PRKN: variants seen among roughly 807,000 people sequenced by gnomAD.
PRKN encodes parkin RBR E3 ubiquitin protein ligase.
PRKN carries 56 observed loss-of-function variants against 59.5 expected under a neutral mutation model. That is an observed-to-expected ratio of 0.94 (90% CI 0.76 to 1.18). PRKN has a LOEUF of 1.18. Ranked by LOEUF, PRKN falls within the 50% of genes most tolerant of loss-of-function variation. PRKN has a pLI of 0.00. For synonymous variants in PRKN, 250 were observed against 222.1 expected, an observed-to-expected ratio of 1.13 and a Z score of -1.12; for missense variants, 657 against 596.4, an observed-to-expected ratio of 1.10 and a Z score of -1.06.
chr6:161,749,431 T>C (rs771558208), intron 7 of PRKN, among the ~76,000 whole-genome samples: 2 of 152,178 alleles, frequency 1.3e-5, no homozygotes, highest in Non-Finnish European at 2.9e-5. Context: ...ATCATTTTAG[T>C]GCTTTTATGG....
intron 1 of PRKN, among the ~76,000 whole-genome samples, chr6:162,497,466 T>C (rs1202281380): frequency 2.0e-5 from 3 of 152,250 alleles, no homozygotes; most frequent in African/African-American, 7.2e-5. Flanking sequence ...CCCATGCCTT[T>C]GCATATGAGC....
chr6:162,001,949 T>C (rs1490729846), intron 5 of PRKN, among the ~76,000 whole-genome samples: 2 of 151,564 alleles, frequency 1.3e-5, no homozygotes, highest in Non-Finnish European at 2.9e-5. Flanking sequence ...TTCTTTAGCC[T>C]GCTGATATGA....
intron 6 of PRKN, among the ~76,000 whole-genome samples, chr6:161,859,104 A>G (rs986997273): frequency 7.3e-5 from 11 of 151,274 alleles, no homozygotes; most frequent in Non-Finnish European, 1.0e-4. Flanking sequence ...TCCTGACCTC[A>G]AGTGATCCAC....
At chr6:162,259,580 A>C (rs1033035800) in intron 3 of PRKN, among the ~76,000 whole-genome samples, 1 of 152,244 alleles carries the variant, frequency 6.6e-6, no homozygotes, top group African/African-American at 2.4e-5. Context: ...ATAATCATAT[A>C]GGCATACTGT....
At chr6:162,546,616 G>A (rs1411486165) in intron 1 of PRKN, among the ~76,000 whole-genome samples, 1 of 151,718 alleles carries the variant, frequency 6.6e-6, no homozygotes, top group Admixed American at 6.6e-5. Flanking sequence ...GCTAATTTTT[G>A]TATTTTTAGT....
At chr6:161,580,070 TA>T (rs1400423671) in intron 7 of PRKN, among the ~76,000 whole-genome samples, 2 of 152,172 alleles carry the variant, frequency 1.3e-5, no homozygotes, top group Admixed American at 6.5e-5. Context: ...ATTATGAAAA[TA>T]AAACAAAAAT....
At chr6:162,339,159 G>T (rs1377583958) in intron 2 of PRKN, among the ~76,000 whole-genome samples, 1 of 149,640 alleles carries the variant, frequency 6.7e-6, no homozygotes, top group East Asian at 2.0e-4. Context: ...TGAGAAGTGA[G>T]GAGCCTCTCC....
intron 6 of PRKN, among the ~76,000 whole-genome samples, chr6:161,869,037 T>C (rs1794234352): frequency 6.6e-6 from 1 of 152,212 alleles, no homozygotes; most frequent in South Asian, 2.1e-4. Context: ...AACCACATTT[T>C]CCCATTTTTC....
intron 1 of PRKN, among the ~76,000 whole-genome samples, chr6:162,561,194 G>C (rs1779824616): frequency 6.6e-6 from 1 of 152,166 alleles, no homozygotes; most frequent in Non-Finnish European, 1.5e-5. Flanking sequence ...AGAGCCTTAA[G>C]TATTAAGGGG....
intron 7 of PRKN, among the ~76,000 whole-genome samples, chr6:161,771,759 T>C (rs1331621938): frequency 6.6e-6 from 1 of 152,232 alleles, no homozygotes; most frequent in African/African-American, 2.4e-5. Context: ...TATGTTCATC[T>C]TGACATTAGA....
intron 11 of PRKN, among the ~76,000 whole-genome samples, chr6:161,351,294 GA>G (rs1784542350): frequency 6.7e-6 from 1 of 149,548 alleles, no homozygotes; most frequent in African/African-American, 2.5e-5. Flanking sequence ...CATAAAACAG[GA>G]ACTGGGATAG....
intron 2 of PRKN, among the ~76,000 whole-genome samples, chr6:162,392,146 C>G (rs1256422556): frequency 6.9e-6 from 1 of 144,384 alleles, no homozygotes; most frequent in East Asian, 2.0e-4. Context: ...AAATCTTTTA[C>G]AAAAAAAAAA....
chr6:161,502,010 A>G lies in PRKN; in HGVS notation c.1083+46844T>C, dbSNP rs935124867. ...GAGTGACATGAGAGAGAAAGTCTGC[A>G]TGTCTTAGTTATCAGCCATGTGAGA... On this transcript the variant is annotated intron_variant, in intron 9 of 11. Coordinates refer to ENST00000366898, the MANE Select transcript of PRKN (RefSeq NM_004562.3). This position sits in a 1 kb window ranked among gnomAD's most constrained non-coding sequence, Gnocchi z 4.0. 3.3e-5 allele frequency among the ~76,000 whole-genome samples: 5 copies of G among 152,140 alleles called. No homozygotes were observed. The highest frequency in any genetic ancestry group is 5.9e-5 in the Non-Finnish European group (4 of 68,012).
At chr6:162,227,165 T>C (rs1487878635) in intron 3 of PRKN, among the ~76,000 whole-genome samples, 1 of 152,208 alleles carries the variant, frequency 6.6e-6, no homozygotes, top group East Asian at 1.9e-4. Flanking sequence ...TGTACATCTT[T>C]ACGTAGTTGG....
rs777746653 is a variant in PRKN at position 161,569,432 on chromosome 6, A to C, written c.872-16T>G. ...GGACAGCCAGCTGTTGGAAAGAAGAATTAATCACAAAAACGTCACTTTCAC... is the reference window on the plus strand; with the variant it reads ...GGACAGCCAGCTGTTGGAAAGAAGACTTAATCACAAAAACGTCACTTTCAC... On this transcript the variant is annotated splice_polypyrimidine_tract_variant and intron_variant, in intron 7 of 11. Transcript: ENST00000366898. 3 of 1,609,146 alleles carry C rather than the reference A, an allele frequency of 1.9e-6. No homozygotes were observed. The highest frequency in any genetic ancestry group is 2.6e-6 in the Non-Finnish European group (3 of 1,175,504).
chr6:161,776,279 T>G (rs1583147645), intron 7 of PRKN, among the ~76,000 whole-genome samples: 1 of 152,290 alleles, frequency 6.6e-6, no homozygotes, highest in African/African-American at 2.4e-5. Context: ...TCAAAACAAT[T>G]CCGAGCATAG....
intron 1 of PRKN, among the ~76,000 whole-genome samples, chr6:162,650,447 A>T (rs1778378018): frequency 6.6e-6 from 1 of 151,338 alleles, no homozygotes; most frequent in Non-Finnish European, 1.5e-5. Context: ...AAATACAAAA[A>T]ATTAGCCGGG....
intron 10 of PRKN, among the ~76,000 whole-genome samples, chr6:161,367,942 C>A (rs1274570207): frequency 6.6e-6 from 1 of 152,094 alleles, no homozygotes; most frequent in African/African-American, 2.4e-5. Flanking sequence ...AGACCCAGGC[C>A]GCCTGGCCTG....
intron 1 of PRKN, among the ~76,000 whole-genome samples, chr6:162,588,392 CA>C (rs68135970): frequency 4.2e-4 from 60 of 143,936 alleles, no homozygotes; most frequent in East Asian, 1.3e-3. Flanking sequence ...CTCACATTAA[CA>C]AAAAAAAAAA....
Sources: allele counts gnomAD v4.1 joint callset (sites outside exome capture counted in the v4.1 genomes callset), GRCh38; gene constraint gnomAD v4.1.1; non-coding constraint Gnocchi (gnomAD v3.1); transcripts MANE v1.5; gene names NCBI Gene and HGNC (gene_info 2026-07-23, HGNC 2026-07-21).